The following CUX1 variants were observed in gnomAD, a reference collection of about 807,000 sequenced individuals.
The protein encoded by CUX1 is cut like homeobox 1.
CUX1 carries 31 observed loss-of-function variants against 158.8 expected under a neutral mutation model. The observed-to-expected ratio is 0.20, with a 90% CI of 0.15 to 0.26. The LOEUF is 0.26. Ranked by LOEUF, CUX1 falls within the 10% of genes least tolerant of loss-of-function variation. CUX1 has a pLI of 1.00. For synonymous variants in CUX1, 879 were observed against 862.1 expected, an observed-to-expected ratio of 1.02 and a Z score of -0.34; for missense variants, 1,589 against 2,014.6, an observed-to-expected ratio of 0.79 and a Z score of 4.04.
chr7:102,118,470 C>T (rs1302752974), intron 8 of CUX1, among the ~76,000 whole-genome samples: 1 of 151,956 alleles, frequency 6.6e-6, no homozygotes, highest in Non-Finnish European at 1.5e-5. Flanking sequence ...CCCAGGAGGT[C>T]GAGGCTGCAG....
At chr7:102,048,438 T>C (rs1179293353) in intron 3 of CUX1, among the ~76,000 whole-genome samples, 1 of 152,044 alleles carries the variant, frequency 6.6e-6, no homozygotes, top group Non-Finnish European at 1.5e-5. Context: ...TTGGAAGGCG[T>C]GGTAGTGTTA....
At position 102,195,494 on chromosome 7, in the gene CUX1, C is replaced by T; in HGVS notation, c.1126-13C>T. ...CCGGCCCCGCAGTGAGACCCCCGCT[C>T]TGCCCCTTCTAGGATGCGGCCAAGC... is the stretch of plus-strand genomic sequence containing the variant. On this transcript the variant is annotated splice_polypyrimidine_tract_variant and intron_variant, in intron 13 of 23. Coordinates refer to ENST00000292535, the MANE Select transcript of CUX1 (RefSeq NM_181552.4). 6.2e-7 allele frequency: 1 copy of T among 1,607,244 alleles called. No homozygotes were observed. The highest frequency in any genetic ancestry group is 8.5e-7 in the Non-Finnish European group (1 of 1,178,156).
intron 2 of CUX1, among the ~76,000 whole-genome samples, chr7:102,015,495 T>C (rs1286020680): frequency 6.6e-6 from 1 of 152,158 alleles, no homozygotes; most frequent in Non-Finnish European, 1.5e-5. Flanking sequence ...CCCAAATTGC[T>C]GGGGTTACAG....
At chr7:102,196,085 T>G (rs944404207) in intron 14 of CUX1, among the ~76,000 whole-genome samples, 6 of 152,180 alleles carry the variant, frequency 3.9e-5, no homozygotes, top group Admixed American at 3.9e-4. Context: ...CCCCAAATGG[T>G]GGCGTCACTT....
At chr7:102,216,885 TCACACA>T (rs35680063) in intron 20 of CUX1, among the ~76,000 whole-genome samples, 2,065 of 149,494 alleles carry the variant, frequency 0.014, 10 homozygotes, top group Admixed American at 0.019. Flanking sequence ...ACACATTATC[TCACACA>T]CACACACACA....
chr7:101,875,465 G>C (rs1441648654), intron 1 of CUX1, among the ~76,000 whole-genome samples: 2 of 152,144 alleles, frequency 1.3e-5, no homozygotes, highest in Non-Finnish European at 2.9e-5. Flanking sequence ...ATGTATTTTT[G>C]TCACACTGCC....
chr7:102,227,550 C>T lies in CUX1; in HGVS notation c.3314C>T (p.Pro1105Leu), dbSNP rs781926547. Residue 1105 changes from proline to leucine, a missense_variant, in exon 21 of 24, where the codon CCG (proline) becomes CTG (leucine). Around this residue, in one of 8 missense-constraint regions of CUX1, gnomAD observed 259 missense variants for 373.8 expected, o/e 0.69. Transcript: ENST00000292535. The stretch of plus-strand genomic sequence containing the variant: ...GCATCCGACTCCCAGCCCACAACCC[C>T]GCTGCCTCTCTCCGGACACTCGGCC... ...PPASDSQPTTPLPLSGHSALS... is the reference protein window; with the variant it reads ...PPASDSQPTTLLPLSGHSALS... 1.1e-5 allele frequency: 17 copies of T among 1,614,048 alleles called. 1 individual carries two copies. Among genetic ancestry groups the T allele is most frequent in the South Asian group, 6.6e-5 (6 of 91,086 alleles).
At chr7:102,113,503 G>A (rs564053226) in intron 7 of CUX1, among the ~76,000 whole-genome samples, 1 of 152,244 alleles carries the variant, frequency 6.6e-6, no homozygotes, top group East Asian at 1.9e-4. Flanking sequence ...TGATCCACCT[G>A]CCTCAGCCTC....
intron 2 of CUX1, among the ~76,000 whole-genome samples, chr7:102,017,691 AC>A (rs1394431383): frequency 6.6e-6 from 1 of 152,114 alleles, no homozygotes; most frequent in Non-Finnish European, 1.5e-5. Flanking sequence ...ACTAAAAAAT[AC>A]AAAAATTAGC....
intron 2 of CUX1, among the ~76,000 whole-genome samples, chr7:101,975,977 C>T (rs1812614738): frequency 6.6e-6 from 1 of 152,106 alleles, no homozygotes; most frequent in African/African-American, 2.4e-5. Flanking sequence ...CCCGTCTCTA[C>T]TAAAATTAGC....
At chr7:101,995,357 A>G (rs1412633120) in intron 2 of CUX1, among the ~76,000 whole-genome samples, 1 of 152,222 alleles carries the variant, frequency 6.6e-6, no homozygotes, top group South Asian at 2.1e-4. Context: ...CGCCAGGTGC[A>G]TCCTGTTCTT....
chr7:101,932,662 A>G, intron 2 of CUX1: 2 of 447,630 alleles, frequency 4.5e-6, no homozygotes, highest in Non-Finnish European at 9.0e-6. Context: ...GCTGCAGACA[A>G]GTATATTTTC....
intron 11 of CUX1, among the ~76,000 whole-genome samples, chr7:102,180,120 T>G (rs1246778851): frequency 2.0e-5 from 3 of 152,012 alleles, no homozygotes; most frequent in African/African-American, 7.2e-5. Context: ...GCCTCCTGGA[T>G]TCAAGCAATT....
chr7:101,993,598 A>G (rs758786590), intron 2 of CUX1, among the ~76,000 whole-genome samples: 5 of 152,172 alleles, frequency 3.3e-5, no homozygotes, highest in Non-Finnish European at 7.3e-5. Flanking sequence ...TCATTCATTC[A>G]TATATTTGTC....
At chr7:102,059,310 CG>C (rs1159211140) in intron 3 of CUX1, among the ~76,000 whole-genome samples, 1 of 152,162 alleles carries the variant, frequency 6.6e-6, no homozygotes, top group African/African-American at 2.4e-5. Context: ...GCGGCTTCTT[CG>C]GGGCCTCTCT....
chr7:102,073,165 CTTTTTTTTTTT>C (rs869202667), intron 4 of CUX1, among the ~76,000 whole-genome samples: 1 of 66,890 alleles, frequency 1.5e-5, no homozygotes, highest in Non-Finnish European at 2.5e-5. Context: ...TCTTTTCTTT[CTTTTTTTTTTT>C]TTTTTTTTTT....
At chr7:101,974,196 A>G (rs1301175186) in intron 2 of CUX1, among the ~76,000 whole-genome samples, 3 of 151,850 alleles carry the variant, frequency 2.0e-5, no homozygotes, top group African/African-American at 4.8e-5. Flanking sequence ...CCTCCCAAGT[A>G]TCAAATTCTC....
intron 9 of CUX1, among the ~76,000 whole-genome samples, chr7:102,159,493 C>T (rs1790174319): frequency 6.6e-6 from 1 of 152,214 alleles, no homozygotes; most frequent in African/African-American, 2.4e-5. Flanking sequence ...CCCCAAAACC[C>T]CTTCCTCCCC....
chr7:102,248,726 C>T lies in CUX1; in HGVS notation c.4202C>T (p.Pro1401Leu). ...HEGGPVEGPG[P>L]LPSPASATAT... The stretch of plus-strand genomic sequence containing the variant: ...GGAGGCCCCGTGGAAGGCCCGGGGC[C>T]CCTGCCCAGCCCCGCCTCCGCGACC... Residue 1401 changes from proline (P) to leucine (L), a missense_variant, in exon 24 of 24, where the codon CCC becomes CTC. This residue lies in a region of CUX1 where 344 missense variants were observed against 323.7 expected (regional missense o/e 1.06). Transcript: ENST00000292535. The surrounding 1 kb of genome is among the most constrained non-coding windows in gnomAD (Gnocchi z 5.8). The T allele has an allele frequency of 8.9e-7, 1 of 1,124,952 alleles. No homozygotes were observed. Among genetic ancestry groups the T allele is most frequent in the Non-Finnish European group, 1.1e-6 (1 of 918,410 alleles). 69.7% of individuals were successfully genotyped at this position (1,124,952 alleles called of 1,614,324 possible). A position where few individuals can be genotyped will look rare whatever the true frequency, so the allele number is the denominator to read the frequency against.
Sources: allele counts gnomAD v4.1 joint callset (sites outside exome capture counted in the v4.1 genomes callset), GRCh38; gene constraint gnomAD v4.1.1; regional missense constraint gnomAD v4.1.1; non-coding constraint Gnocchi (gnomAD v3.1); transcripts MANE v1.5; gene names NCBI Gene and HGNC (gene_info 2026-07-23, HGNC 2026-07-21).